The following FAM98A variants were observed in gnomAD, a reference collection of about 807,000 sequenced individuals.
FAM98A encodes the protein protein FAM98A.
In FAM98A, 25 loss-of-function variants were observed where a neutral mutation model predicts 62.9. The ratio of observed to expected loss-of-function variants is 0.40; its 90% CI spans 0.29 to 0.56. The LOEUF is 0.56. Among genes scored for constraint, FAM98A ranks in the 20% least tolerant of loss-of-function variants. The pLI is 0.51. For synonymous variants in FAM98A, 252 were observed against 228.6 expected (o/e 1.10, Z -0.92); for missense variants, 653 against 640.7 (o/e 1.02, Z -0.21).
At chr2:33,590,500 T>C (rs1183681845) in intron 3 of FAM98A, among the ~76,000 whole-genome samples, 1 of 152,082 alleles carries the variant, frequency 6.6e-6, no homozygotes, top group Non-Finnish European at 1.5e-5. Flanking sequence ...TGTAGGTAAA[T>C]GCTAGAATGA....
intron 6 of FAM98A, among the ~76,000 whole-genome samples, chr2:33,585,913 G>A (rs1677538007): frequency 6.6e-6 from 1 of 152,178 alleles, no homozygotes; most frequent in Admixed American, 6.5e-5. Flanking sequence ...AGGAGTGACA[G>A]GGACTGTGGG....
In FAM98A at chr2:33,594,628, C is replaced by T. The variant is rs13016711; in HGVS notation, c.202+861G>A. On this transcript the variant is annotated intron_variant, in intron 2 of 7. Transcript: ENST00000238823. The stretch of plus-strand genomic sequence containing the variant: ...ACATACACACATATATATATACACA[C>T]ATATATATACACATATATATATACA... Among the ~76,000 whole-genome samples the T allele has an allele frequency of 5.1e-5, 6 of 118,120 alleles. 1 individual carries two copies. The highest frequency in any genetic ancestry group is 5.1e-4 in the South Asian group (2 of 3,926). 77.5% of individuals were successfully genotyped at this position (118,120 alleles called of 152,430 possible). A position where few individuals can be genotyped will look rare whatever the true frequency, so the allele number is the denominator to read the frequency against.
At chr2:33,592,817 C>T (rs556048013) in intron 2 of FAM98A, among the ~76,000 whole-genome samples, 2 of 152,326 alleles carry the variant, frequency 1.3e-5, no homozygotes, top group South Asian at 4.1e-4. Flanking sequence ...TTCTTCCTAG[C>T]ATATTCAGCT....
At chr2:33,594,418 G>C (rs1051028045) in intron 2 of FAM98A, among the ~76,000 whole-genome samples, 1 of 151,204 alleles carries the variant, frequency 6.6e-6, no homozygotes, top group African/African-American at 2.4e-5. Context: ...TTGCGGGTTA[G>C]AGGGTGAGGA....
At chr2:33,585,723 G>T in intron 6 of FAM98A, 26 bp from the exon 7 acceptor site, 1 of 1,588,528 alleles carries the variant, frequency 6.3e-7, no homozygotes, top group South Asian at 1.1e-5. Flanking sequence ...TGTTCAAAGA[G>T]AAATGTCAAT....
chr2:33,586,411 G>C (rs1228384934), intron 6 of FAM98A, 151 bp downstream of exon 6: 4 of 514,852 alleles, frequency 7.8e-6, no homozygotes, highest in African/African-American at 3.8e-5. Flanking sequence ...CTGAATAGTT[G>C]AAAGAGCCAC....
At chr2:33,592,415 G>A (rs914509404) in intron 2 of FAM98A, among the ~76,000 whole-genome samples, 1 of 151,920 alleles carries the variant, frequency 6.6e-6, no homozygotes, top group African/African-American at 2.4e-5. Flanking sequence ...GCCTAGGCTG[G>A]AGTGCAGTGG....
At position 33,583,761 on chromosome 2, in the gene FAM98A, A is replaced by C. The variant is rs1432533334; in HGVS notation, c.*1015T>G. ...ATGTTTACATGTACAAAAACCCAGC[A>C]AGAAGCATCATGTCATGTAGATTTC... is the stretch of plus-strand genomic sequence containing the variant. On this transcript the variant is annotated 3_prime_UTR_variant, in exon 8 of 8. Coordinates refer to ENST00000238823, the MANE Select transcript of FAM98A (RefSeq NM_015475.5). 6.5e-6 allele frequency: 1 copy of C among 152,704 alleles called. No homozygotes were observed. Among genetic ancestry groups the C allele is most frequent in the Non-Finnish European group, 1.5e-5 (1 of 68,044 alleles). The allele number at this position is 152,704 out of a possible 1,614,324, so 9.5% of individuals were successfully genotyped here.
intron 2 of FAM98A, among the ~76,000 whole-genome samples, chr2:33,595,060 T>C (rs1426827858): frequency 6.6e-6 from 1 of 152,236 alleles, no homozygotes; most frequent in Non-Finnish European, 1.5e-5. Flanking sequence ...AAGTGTTCTC[T>C]TTCTCCCCAA....
chr2:33,585,147 C>A lies in FAM98A; in HGVS notation c.1186G>T (p.Asp396Tyr). 4 of 1,614,184 alleles carry A rather than the reference C, an allele frequency of 2.5e-6. No individual in the cohort carries two copies. The highest frequency in any genetic ancestry group is 3.4e-6 in the Non-Finnish European group (4 of 1,180,034). Reference protein sequence around the residue: ...GGSGGGGGYQDGGYRDSGFQP... With the variant: ...GGSGGGGGYQYGGYRDSGFQP... The stretch of plus-strand genomic sequence containing the variant: ...AAACCTGAATCTCGATAACCACCAT[C>A]TTGGTAGCCACCTCCTCCACCACTC... Residue 396 changes from aspartate (D) to tyrosine (Y), a missense_variant, in exon 8 of 8, where the codon GAT (aspartate) becomes TAT (tyrosine). By Grantham distance (160) the Asp-to-Tyr change is radical. Transcript: ENST00000238823.
chr2:33,595,551 GCA>G lies in FAM98A; in HGVS notation c.138_139del (p.Ala47LeufsTer5). The G allele has an allele frequency of 1.2e-6, 2 of 1,610,854 alleles. No individual in the cohort carries two copies. Among genetic ancestry groups the G allele is most frequent in the Non-Finnish European group, 1.7e-6 (2 of 1,178,864 alleles). ...CACTCTTAATTCAGACACCAGCCAA[GCA>G]CAGAGTTTGGTAAACTCGGGGGAAC... is the stretch of plus-strand genomic sequence containing the variant. On this transcript the variant is annotated frameshift_variant, in exon 2 of 8. Transcript: ENST00000238823. LOFTEE classifies it high-confidence loss of function.
At position 33,591,050 on chromosome 2, in the gene FAM98A, G is replaced by C. The variant is rs561637131; in HGVS notation, c.337+1030C>G. ...TGAAGAATATTAAATGAATATGTAA[G>C]AACTACCAGCAGCAATATCAGTATC... On this transcript the variant is annotated intron_variant, in intron 3 of 7. Transcript: ENST00000238823. Among the ~76,000 whole-genome samples the C allele has an allele frequency of 4.5e-4, 68 of 152,202 alleles. 1 individual carries two copies. Among genetic ancestry groups the C allele is most frequent in the African/African-American group, 1.6e-3 (66 of 41,552 alleles).
Position 33,585,156 on chromosome 2 carries a change from C to T in FAM98A, c.1177G>A (p.Gly393Ser). ...WTDGGSGGGG[G>S]YQDGGYRDSG... ...TCTCGATAACCACCATCTTGGTAGC[C>T]ACCTCCTCCACCACTCCCTCCATCT... The change falls in exon 8 of 8, where the codon GGC becomes AGC. Residue 393 changes from glycine to serine, a missense_variant. By Grantham distance (56) the Gly-to-Ser change is moderately conservative. Coordinates refer to ENST00000238823, the MANE Select transcript of FAM98A (RefSeq NM_015475.5). 1 of 1,614,116 alleles carries T rather than the reference C, an allele frequency of 6.2e-7. No homozygotes were observed. Among genetic ancestry groups the T allele is most frequent in the Non-Finnish European group, 8.5e-7 (1 of 1,180,000 alleles).
chr2:33,588,195 C>A, intron 4 of FAM98A, 140 bp downstream of exon 4: 2 of 690,974 alleles, frequency 2.9e-6, no homozygotes, highest in Non-Finnish European at 2.5e-6. Context: ...GATTTAAAAC[C>A]CAAAACTCAT....
At chr2:33,592,037 T>C in intron 3 of FAM98A, 43 bp downstream of exon 3, 1 of 1,549,796 alleles carries the variant, frequency 6.5e-7, no homozygotes, top group Non-Finnish European at 8.8e-7. Flanking sequence ...ATGGAAAACA[T>C]AAACAGAAAG....
Position 33,584,988 on chromosome 2 carries a change from G to C in FAM98A, c.1345C>G (p.Gln449Glu), listed in dbSNP as rs1263228642. 6.2e-7 allele frequency: 1 copy of C among 1,613,938 alleles called. No individual in the cohort carries two copies. Among genetic ancestry groups the C allele is most frequent in the Admixed American group, 1.7e-5 (1 of 60,000 alleles). ...CGATCACCATGGTGCCCGCCATCTT[G>C]GTATCTATTGTCCTGCTGGTAGCCA... Reference protein sequence around the residue: ...GGGYQQDNRYQDGGHHGDRGG... With the variant: ...GGGYQQDNRYEDGGHHGDRGG... The change falls in exon 8 of 8, where the codon CAA becomes GAA. Residue 449 changes from glutamine to glutamate, a missense_variant. Physicochemically the swap from Gln to Glu is conservative, Grantham distance 29. Transcript: ENST00000238823.
Position 33,588,342 on chromosome 2 carries a change from TCAATCCCG to T in FAM98A, c.507_514del (p.Ser169ArgfsTer14), listed in dbSNP as rs1475184540. The T allele has an allele frequency of 2.5e-6, 4 of 1,610,434 alleles. No homozygotes were observed. The highest frequency in any genetic ancestry group is 1.7e-5 in the Admixed American group (1 of 59,608). ...TGGTACTAAAGGTCTTACTTTTTTT[TCAATCCCG>T]CTGAAGAATTGGAACATAGTTATAT... On this transcript the variant is annotated frameshift_variant, in exon 4 of 8. Coordinates refer to ENST00000238823, the MANE Select transcript of FAM98A (RefSeq NM_015475.5). LOFTEE classifies it high-confidence loss of function.
chr2:33,586,142 C>T (rs527486519), intron 6 of FAM98A, among the ~76,000 whole-genome samples: 41 of 152,190 alleles, frequency 2.7e-4, no homozygotes, highest in African/African-American at 9.9e-4. Flanking sequence ...CCTGGATTGT[C>T]TCATTTAGCT....
chr2:33,593,702 A>G (rs1408814501), intron 2 of FAM98A, among the ~76,000 whole-genome samples: 3 of 152,178 alleles, frequency 2.0e-5, no homozygotes, highest in African/African-American at 7.2e-5. Flanking sequence ...TACATTATGA[A>G]TATTTTGCAA....
Sources: gnomAD v4.1 joint callset for allele counts (sites outside exome capture counted in the v4.1 genomes callset) on GRCh38, gnomAD v4.1.1 for gene constraint, MANE v1.5 for transcripts, NCBI Gene and HGNC (gene_info 2026-07-23, HGNC 2026-07-21) for gene names.